Variants in GRIA3 observed in about 807,000 individuals in gnomAD.
GRIA3 encodes the protein glutamate ionotropic receptor AMPA type subunit 3, also known as glutamate receptor 3.
Under a neutral mutation model 63.0 loss-of-function variants are expected in GRIA3, and 3 were observed. The observed-to-expected ratio is 0.05, with a 90% CI of 0.02 to 0.12. The LOEUF is 0.12. GRIA3 is among the 10% of genes least tolerant of loss of function. GRIA3 has a pLI of 1.00. For missense variants in GRIA3, 347 were observed against 700.9 expected (o/e 0.50, Z 5.70); for synonymous variants, 274 against 257.9 (o/e 1.06, Z -0.60).
intron 1 of GRIA3, 22 bp from the exon 2 acceptor site, chrX:123,185,810 T>C (rs750931064): frequency 1.2e-5 from 14 of 1,203,372 alleles, no homozygotes; most frequent in Non-Finnish European, 1.6e-5. Context: ...ACAAGCCAAA[T>C]CTCCGTTCCC....
intron 12 of GRIA3, among the ~76,000 whole-genome samples, chrX:123,449,063 A>C (rs1369241899): frequency 8.9e-6 from 1 of 111,859 alleles, no homozygotes; most frequent in Non-Finnish European, 1.9e-5. Context: ...GGTCTTTATA[A>C]CTTCAGGATC....
intron 3 of GRIA3, among the ~76,000 whole-genome samples, chrX:123,266,917 C>A (rs1003735129): frequency 5.4e-5 from 6 of 110,107 alleles, no homozygotes; most frequent in Non-Finnish European, 1.1e-4. Flanking sequence ...GATATATCTT[C>A]GAAATTCTGC....
At chrX:123,398,503 A>G (rs2045426079) in intron 6 of GRIA3, 133 bp from the exon 7 acceptor site, 3 of 517,037 alleles carry the variant, frequency 5.8e-6, no homozygotes, top group Admixed American at 5.5e-5. Context: ...GCTTGCCCAG[A>G]GAGATCTCTT....
chrX:123,235,197 A>T (rs1302895680), intron 2 of GRIA3, among the ~76,000 whole-genome samples: 1 of 111,724 alleles, frequency 9.0e-6, no homozygotes, highest in Non-Finnish European at 1.9e-5. Flanking sequence ...GATCCACAGT[A>T]CCTCAAAGGC....
chrX:123,312,513 G>C (rs2044801382), intron 3 of GRIA3, among the ~76,000 whole-genome samples: 2 of 112,333 alleles, frequency 1.8e-5, no homozygotes, highest in Non-Finnish European at 3.8e-5. Flanking sequence ...ATTTGTGTGA[G>C]TAAGCAGGGT....
chrX:123,358,179 T>C (rs1298779644), intron 5 of GRIA3, among the ~76,000 whole-genome samples: 2 of 111,596 alleles, frequency 1.8e-5, no homozygotes, highest in Admixed American at 1.9e-4. Context: ...CCTTTCAAGA[T>C]GAGCCAGCTG....
At chrX:123,244,187 CAAG>C (rs1310708677) in intron 2 of GRIA3, among the ~76,000 whole-genome samples, 1 of 112,102 alleles carries the variant, frequency 8.9e-6, no homozygotes, top group Non-Finnish European at 1.9e-5. Flanking sequence ...GAATTAACCC[CAAG>C]ATGGTAATTA....
chrX:123,226,981 C>T (rs1044719968), intron 2 of GRIA3, among the ~76,000 whole-genome samples: 65 of 111,126 alleles, frequency 5.8e-4, no homozygotes, highest in African/African-American at 1.7e-3. Flanking sequence ...TGTATGTTCA[C>T]GAAAATCTAA....
chrX:123,334,249 ACTCACTGACAGC>A (rs2044959706), intron 4 of GRIA3, among the ~76,000 whole-genome samples: 1 of 111,751 alleles, frequency 8.9e-6, no homozygotes, highest in African/African-American at 3.3e-5. Flanking sequence ...TGACTTTGAC[ACTCACTGACAGC>A]CTTAAATAAA....
At chrX:123,424,553 C>A (rs1031508680) in intron 11 of GRIA3, among the ~76,000 whole-genome samples, 3 of 111,785 alleles carry the variant, frequency 2.7e-5, no homozygotes, top group Non-Finnish European at 5.7e-5. Context: ...TCTATCTCTG[C>A]TGAGGTATGC....
intron 3 of GRIA3, among the ~76,000 whole-genome samples, chrX:123,305,430 C>G (rs1214708597): frequency 1.8e-5 from 2 of 112,252 alleles, no homozygotes; most frequent in African/African-American, 6.5e-5. Context: ...TGTTCTATAT[C>G]TTAAAATATA....
intron 5 of GRIA3, among the ~76,000 whole-genome samples, chrX:123,385,371 G>A (rs5910003): frequency 1.8e-5 from 2 of 110,524 alleles, no homozygotes; most frequent in Non-Finnish European, 3.8e-5. Context: ...CTAATATCAT[G>A]CCGTTTTGGT....
intron 12 of GRIA3, among the ~76,000 whole-genome samples, chrX:123,461,028 G>C (rs1329333928): frequency 1.8e-5 from 2 of 111,435 alleles, no homozygotes; most frequent in Non-Finnish European, 1.9e-5. Flanking sequence ...ATCCAAATTG[G>C]TTTAGCAAGG....
chrX:123,391,602 G>A (rs2045387181), intron 5 of GRIA3, among the ~76,000 whole-genome samples: 1 of 111,678 alleles, frequency 9.0e-6, no homozygotes, highest in African/African-American at 3.3e-5. Context: ...CAGTGTTAGT[G>A]GGTCTAGTCA....
intron 2 of GRIA3, chrX:123,202,659 C>G: frequency 8.6e-7 from 1 of 1,166,585 alleles, no homozygotes. Context: ...GGACTACCTG[C>G]CTTGGCCAGG....
At chrX:123,473,296 C>G (rs926750421) in intron 13 of GRIA3, among the ~76,000 whole-genome samples, 14 of 112,581 alleles carry the variant, frequency 1.2e-4, no homozygotes, top group Non-Finnish European at 2.3e-4. Flanking sequence ...CCTTAAACAG[C>G]TGCTATATGG....
intron 5 of GRIA3, among the ~76,000 whole-genome samples, chrX:123,387,878 G>A (rs996826774): frequency 8.9e-6 from 1 of 111,878 alleles, no homozygotes; most frequent in East Asian, 2.8e-4. Flanking sequence ...ATGGATATTT[G>A]CCTGTAGTTT....
chrX:123,363,922 C>T (rs142940149), intron 5 of GRIA3, among the ~76,000 whole-genome samples: 204 of 111,815 alleles, frequency 1.8e-3, no homozygotes, highest in African/African-American at 6.4e-3. Context: ...TTTCAATTCA[C>T]CCTATCTATG....
chrX:123,433,869 C>T (rs771168761), intron 12 of GRIA3, among the ~76,000 whole-genome samples: 3 of 111,610 alleles, frequency 2.7e-5, no homozygotes, highest in African/African-American at 9.8e-5. Context: ...TGTCTCAACA[C>T]AAGACTCTGA....
Sources: allele counts gnomAD v4.1 joint callset (sites outside exome capture counted in the v4.1 genomes callset), GRCh38; gene constraint gnomAD v4.1.1; transcripts MANE v1.5; gene names NCBI Gene and HGNC (gene_info 2026-07-23, HGNC 2026-07-21).